VTI1A: variants seen among roughly 807,000 people sequenced by gnomAD.
VTI1A encodes the protein vesicle transport through interaction with t-SNAREs 1A.
In VTI1A, 22 loss-of-function variants were observed where a neutral mutation model predicts 34.9. That is an observed-to-expected ratio of 0.63 (90% confidence interval 0.45 to 0.90). The LOEUF is 0.90. Among genes scored for constraint, VTI1A ranks in the 40% least tolerant of loss-of-function variants. The probability of loss-of-function intolerance (pLI) is 0.00; values close to 1 mark genes in which losing one functional copy is unlikely to be tolerated. For missense variants in VTI1A, 268 were observed against 275.6 expected, an observed-to-expected ratio of 0.97 and a Z score of 0.20; for synonymous variants, 87 against 97.3, an observed-to-expected ratio of 0.89 and a Z score of 0.62.
chr10:112,852,133 A>T, the VTI1A span, among the ~76,000 whole-genome samples: 1 of 152,188 alleles, frequency 6.6e-6, no homozygotes, highest in East Asian at 1.9e-4. Context: ...ATTTCTTTAA[A>T]TTCACAATTT....
At chr10:112,740,023 AC>A (rs1379766338) in intron 7 of VTI1A, among the ~76,000 whole-genome samples, 10 of 152,224 alleles carry the variant, frequency 6.6e-5, no homozygotes, top group Non-Finnish European at 1.5e-4. Context: ...AAACAATAAC[AC>A]AAAAATTTGC....
chr10:112,593,393 C>A (rs1844472525), intron 5 of VTI1A, among the ~76,000 whole-genome samples: 1 of 152,154 alleles, frequency 6.6e-6, no homozygotes, highest in Admixed American at 6.5e-5. Context: ...GCAGTGAAAT[C>A]CCCTTCCTCA....
At chr10:112,730,284 C>T (rs1886600) in intron 7 of VTI1A, among the ~76,000 whole-genome samples, 24,132 of 152,182 alleles carry the variant, frequency 0.16, 2,231 homozygotes, top group Middle Eastern at 0.23. Flanking sequence ...TGGCTAGAAC[C>T]TGAGTTTTCC....
At chr10:112,691,076 T>C (rs1439950058) in intron 7 of VTI1A, among the ~76,000 whole-genome samples, 2 of 151,974 alleles carry the variant, frequency 1.3e-5, no homozygotes, top group African/African-American at 4.8e-5. Flanking sequence ...AAGAACAGGC[T>C]GGCGAAACCC....
intron 5 of VTI1A, among the ~76,000 whole-genome samples, chr10:112,573,494 A>C (rs1243233497): frequency 6.6e-6 from 1 of 152,232 alleles, no homozygotes; most frequent in African/African-American, 2.4e-5. Context: ...TGGTGAAAAT[A>C]TACAATCCCT....
chr10:112,458,432 T>C (rs1847614730), intron 1 of VTI1A, among the ~76,000 whole-genome samples: 1 of 152,130 alleles, frequency 6.6e-6, no homozygotes, highest in East Asian at 1.9e-4. Flanking sequence ...AATCTGGCCA[T>C]ATGTAGATTT....
intron 7 of VTI1A, among the ~76,000 whole-genome samples, chr10:112,808,624 C>CAAAA (rs760656671): frequency 6.7e-5 from 4 of 59,554 alleles, no homozygotes; most frequent in East Asian, 4.7e-4. Context: ...GACTCCATCT[C>CAAAA]AAAAAAAAAA....
intron 7 of VTI1A, among the ~76,000 whole-genome samples, chr10:112,707,284 T>G (rs544375337): frequency 6.6e-6 from 1 of 152,236 alleles, no homozygotes; most frequent in African/African-American, 2.4e-5. Context: ...TCCTCCCATC[T>G]CAGCCTCCCA....
chr10:112,642,303 A>G (rs1261682278), intron 5 of VTI1A, among the ~76,000 whole-genome samples: 3 of 152,092 alleles, frequency 2.0e-5, no homozygotes, highest in Non-Finnish European at 2.9e-5. Flanking sequence ...AATGGAATGC[A>G]CTTTCGAGCA....
At chr10:112,571,993 G>A (rs985997829) in intron 5 of VTI1A, among the ~76,000 whole-genome samples, 2 of 152,174 alleles carry the variant, frequency 1.3e-5, no homozygotes, top group African/African-American at 4.8e-5. Flanking sequence ...AAGGGGGAGA[G>A]AGGAGGGGCA....
intron 7 of VTI1A, among the ~76,000 whole-genome samples, chr10:112,675,609 C>T (rs561119191): frequency 1.2e-4 from 19 of 152,306 alleles, no homozygotes; most frequent in African/African-American, 3.8e-4. Context: ...TAACCAGAAC[C>T]GAGAAATAAC....
chr10:112,463,704 C>T (rs1175398928), intron 2 of VTI1A, among the ~76,000 whole-genome samples: 2 of 151,484 alleles, frequency 1.3e-5, no homozygotes, highest in African/African-American at 4.9e-5. Context: ...CATTTAATGC[C>T]ATATAAATGT....
At chr10:112,492,793 A>C (rs1848876540) in intron 3 of VTI1A, among the ~76,000 whole-genome samples, 1 of 152,112 alleles carries the variant, frequency 6.6e-6, no homozygotes, top group African/African-American at 2.4e-5. Context: ...AAAAGCAAAA[A>C]AAAAATTGAT....
Position 112,757,351 on chromosome 10 carries a change from ATTTTTTTTTTTTTTT to A in VTI1A, c.561-57921_561-57907del, listed in dbSNP as rs1175362768. Among the ~76,000 whole-genome samples, 48 of 40,700 alleles carry A rather than the reference ATTTTTTTTTTTTTTT, an allele frequency of 1.2e-3. 1 individual carries two copies. Among genetic ancestry groups the A allele is most frequent in the Admixed American group, 6.3e-3 (16 of 2,548 alleles). 26.7% of individuals were successfully genotyped at this position (40,700 alleles called of 152,430 possible). ...CTTTCACCCTTTCTTTGTTGCTGTG[ATTTTTTTTTTTTTTT>A]TTTTTTTTTTTTTTTTTGGAGACAT... On this transcript the variant is annotated intron_variant, in intron 7 of 7. Transcript: ENST00000393077.
At chr10:112,599,434 G>A (rs1350314016) in intron 5 of VTI1A, among the ~76,000 whole-genome samples, 2 of 152,122 alleles carry the variant, frequency 1.3e-5, no homozygotes, top group African/African-American at 2.4e-5. Context: ...TAGCTAGGGC[G>A]TATGCATGTG....
At chr10:112,821,504 A>G (rs1360373838), downstream of VTI1A, among the ~76,000 whole-genome samples, 1 of 152,180 alleles carries the variant, frequency 6.6e-6, no homozygotes, top group African/African-American at 2.4e-5. Context: ...GAGGCCCCAC[A>G]GAGTTGAGAA....
chr10:112,498,162 A>G (rs947317786), intron 3 of VTI1A, among the ~76,000 whole-genome samples: 2 of 152,182 alleles, frequency 1.3e-5, no homozygotes, highest in Non-Finnish European at 2.9e-5. Context: ...TATTTAAAAC[A>G]AGTCTCTGTC....
rs1846487542 is a variant in VTI1A at position 112,639,554 on chromosome 10, GAACT to G, written c.428-28662_428-28659del. Among the ~76,000 whole-genome samples, 3 of 152,242 alleles carry G rather than the reference GAACT, an allele frequency of 2.0e-5. No homozygotes were observed. In the South Asian group the frequency reaches 6.2e-4, roughly 32 times the overall value. On this transcript the variant is annotated intron_variant, in intron 5 of 7. Transcript: ENST00000393077. ...AATTCAGCAATCATACATATGCAAAGAACTACCTAATTCATTGAAATATTTAAGA... is the reference window on the plus strand; with the variant it reads ...AATTCAGCAATCATACATATGCAAAGACCTAATTCATTGAAATATTTAAGA...
At chr10:112,594,444 G>A (rs1564841170) in intron 5 of VTI1A, among the ~76,000 whole-genome samples, 1 of 152,002 alleles carries the variant, frequency 6.6e-6, no homozygotes, top group Non-Finnish European at 1.5e-5. Flanking sequence ...TCCTTAAGCT[G>A]ATAAGCAACT....
Sources: gnomAD v4.1 joint callset for allele counts (sites outside exome capture counted in the v4.1 genomes callset) on GRCh38, gnomAD v4.1.1 for gene constraint, MANE v1.5 for transcripts, NCBI Gene and HGNC (gene_info 2026-07-23, HGNC 2026-07-21) for gene names.